KCNQ3: variants seen among roughly 807,000 people sequenced by gnomAD.
KCNQ3 encodes the protein potassium voltage-gated channel subfamily KQT member 3.
KCNQ3 carries 30 observed loss-of-function variants against 92.5 expected under a neutral mutation model. That is an observed-to-expected ratio of 0.32 (90% CI 0.24 to 0.44). The LOEUF (loss-of-function observed/expected upper bound fraction) is 0.44. Among genes scored for constraint, KCNQ3 ranks in the 20% least tolerant of loss-of-function variants. The pLI, the probability that KCNQ3 is intolerant of heterozygous loss-of-function variation, is 1.00. For synonymous variants in KCNQ3, 450 were observed against 468.8 expected (o/e 0.96, Z 0.52); for missense variants, 913 against 1,140.3 (o/e 0.80, Z 2.87).
At chr8:132,216,472 CT>C (rs1370603686) in intron 1 of KCNQ3, among the ~76,000 whole-genome samples, 1 of 152,186 alleles carries the variant, frequency 6.6e-6, no homozygotes, top group Non-Finnish European at 1.5e-5. Flanking sequence ...CTCCCCAGCC[CT>C]GTCTTTGGGC....
intron 1 of KCNQ3, among the ~76,000 whole-genome samples, chr8:132,356,742 C>T (rs1332177311): frequency 1.3e-5 from 2 of 152,282 alleles, no homozygotes; most frequent in Non-Finnish European, 2.9e-5. Flanking sequence ...CAGCACCTGG[C>T]ACTTAGTGGA....
At chr8:132,267,905 G>A (rs1816039880) in intron 1 of KCNQ3, among the ~76,000 whole-genome samples, 1 of 152,110 alleles carries the variant, frequency 6.6e-6, no homozygotes, top group South Asian at 2.1e-4. Context: ...TGGCACAATT[G>A]TTACAACTGA....
At chr8:132,194,020 A>T (rs1481914476) in intron 1 of KCNQ3, among the ~76,000 whole-genome samples, 1 of 152,204 alleles carries the variant, frequency 6.6e-6, no homozygotes, top group Non-Finnish European at 1.5e-5. Flanking sequence ...GATAGCTCCC[A>T]GATACCCCTG....
intron 1 of KCNQ3, among the ~76,000 whole-genome samples, chr8:132,392,125 T>C (rs1820063499): frequency 6.6e-6 from 1 of 152,156 alleles, no homozygotes; most frequent in African/African-American, 2.4e-5. Flanking sequence ...TGGAGAAACA[T>C]ATCTGGTTAC....
At position 132,383,594 on chromosome 8, in the gene KCNQ3, C is replaced by T. The variant is rs564112582; in HGVS notation, c.386+96553G>A. Among the ~76,000 whole-genome samples the T allele has an allele frequency of 1.3e-4, 20 of 152,318 alleles. No individual in the cohort carries two copies. The South Asian group carries it at 3.3e-3, about 25-fold the overall frequency. On this transcript the variant is annotated intron_variant, in intron 1 of 14. Coordinates refer to ENST00000388996, the MANE Select transcript of KCNQ3 (RefSeq NM_004519.4). ...TAGGCTGAGCCCCAGCGCCATATAA[C>T]ATCAACTGGGTCTAAACACTGGAGG...
chr8:132,404,085 C>T (rs961702396), intron 1 of KCNQ3, among the ~76,000 whole-genome samples: 9 of 152,190 alleles, frequency 5.9e-5, no homozygotes, highest in Non-Finnish European at 1.0e-4. Context: ...TTGCCCACTT[C>T]CCCTTCTCTT....
At chr8:132,443,418 T>G (rs752616832) in intron 1 of KCNQ3, among the ~76,000 whole-genome samples, 4 of 152,146 alleles carry the variant, frequency 2.6e-5, no homozygotes, top group Non-Finnish European at 4.4e-5. Context: ...AATAATTTAA[T>G]TGAAAACCAG....
At chr8:132,399,298 T>A (rs55918229) in intron 1 of KCNQ3, among the ~76,000 whole-genome samples, 4,368 of 152,316 alleles carry the variant, frequency 0.029, 194 homozygotes, top group African/African-American at 0.098. Context: ...TTTTTTGCTT[T>A]CAATGCATTC....
chr8:132,129,526 G>C lies in KCNQ3; in HGVS notation c.2355C>G (p.Asp785Glu). 6.2e-7 allele frequency: 1 copy of C among 1,614,204 alleles called. No homozygotes were observed. Among genetic ancestry groups the C allele is most frequent in the African/African-American group, 1.3e-5 (1 of 75,050 alleles). ...SPRQRRSITR[D>E]SDTPLSLMSV... ...ACATCAGGGACAGAGGTGTGTCACT[G>C]TCTCGCGTGATGCTACGTCTCTGCC... The change falls in exon 15 of 15, where the codon GAC becomes GAG. Residue 785 changes from aspartate to glutamate, a missense_variant. Coordinates refer to ENST00000388996, the MANE Select transcript of KCNQ3 (RefSeq NM_004519.4). This position sits in a 1 kb window ranked among gnomAD's most constrained non-coding sequence, Gnocchi z 5.9.
intron 1 of KCNQ3, among the ~76,000 whole-genome samples, chr8:132,242,946 G>C (rs904820867): frequency 6.6e-6 from 1 of 152,198 alleles, no homozygotes; most frequent in African/African-American, 2.4e-5. Context: ...TTTAGACAGA[G>C]AGGCTACCTC....
chr8:132,237,270 A>G (rs1184595482), intron 1 of KCNQ3, among the ~76,000 whole-genome samples: 1 of 152,074 alleles, frequency 6.6e-6, no homozygotes, highest in East Asian at 1.9e-4. Flanking sequence ...GATGGTAGCT[A>G]TGATGATGAT....
intron 9 of KCNQ3, among the ~76,000 whole-genome samples, chr8:132,158,019 C>A (rs907289867): frequency 6.6e-6 from 1 of 152,126 alleles, no homozygotes; most frequent in African/African-American, 2.4e-5. Context: ...CCTCCACACC[C>A]CATTATCCCA....
Position 132,184,314 on chromosome 8 carries a change from A to G in KCNQ3, c.531T>C (p.Ala177=), listed in dbSNP as rs970194294. 1 of 1,614,178 alleles carries G rather than the reference A, an allele frequency of 6.2e-7. No homozygotes were observed. Among genetic ancestry groups the G allele is most frequent in the Non-Finnish European group, 8.5e-7 (1 of 1,179,990 alleles). Residue 177 remains alanine, a synonymous_variant, in exon 3 of 15, where the codon GCT becomes GCC. Coordinates refer to ENST00000388996, the MANE Select transcript of KCNQ3 (RefSeq NM_004519.4). The stretch of plus-strand genomic sequence containing the variant: ...CTTTGTATCGGCAGCAACATCCAGC[A>G]GCCCAGATCCTCAAAGCAAACTCGG... The part of the protein sequence containing the change: ...FGAEFALRIW[A]AGCCCRYKGW...
chr8:132,206,138 T>C (rs1448561744), intron 1 of KCNQ3, among the ~76,000 whole-genome samples: 1 of 152,160 alleles, frequency 6.6e-6, no homozygotes, highest in Admixed American at 6.5e-5. Context: ...CATAAGGATG[T>C]CTCAGAATGG....
intron 1 of KCNQ3, among the ~76,000 whole-genome samples, chr8:132,364,271 C>T (rs1819253376): frequency 6.6e-6 from 1 of 152,182 alleles, no homozygotes. Flanking sequence ...AACATTTAAA[C>T]TGTGAATTAC....
chr8:132,233,135 T>C (rs554616124), intron 1 of KCNQ3, among the ~76,000 whole-genome samples: 16 of 152,308 alleles, frequency 1.1e-4, no homozygotes, highest in African/African-American at 3.8e-4. Flanking sequence ...TAACCAATAG[T>C]AACCCTTCCT....
intron 1 of KCNQ3, among the ~76,000 whole-genome samples, chr8:132,356,989 A>G (rs1466138498): frequency 2.0e-5 from 3 of 148,004 alleles, no homozygotes; most frequent in Non-Finnish European, 4.4e-5. Context: ...GACTATAGTA[A>G]ATCTAAAACT....
At chr8:132,336,041 A>G (rs751610187) in intron 1 of KCNQ3, among the ~76,000 whole-genome samples, 2 of 152,188 alleles carry the variant, frequency 1.3e-5, no homozygotes, top group Non-Finnish European at 2.9e-5. Flanking sequence ...AAGGGAGCTG[A>G]GCTGGCTTTT....
intron 1 of KCNQ3, among the ~76,000 whole-genome samples, chr8:132,279,867 T>TGG (rs1816460644): frequency 6.6e-6 from 1 of 151,980 alleles, no homozygotes; most frequent in African/African-American, 2.4e-5. Flanking sequence ...TGTGTGTGTG[T>TGG]GTGTATATAT....
Sources: allele counts gnomAD v4.1 joint callset (sites outside exome capture counted in the v4.1 genomes callset), GRCh38; gene constraint gnomAD v4.1.1; non-coding constraint Gnocchi (gnomAD v3.1); transcripts MANE v1.5; gene names NCBI Gene and HGNC (gene_info 2026-07-23, HGNC 2026-07-21).